The following PLBD1 variants were observed in gnomAD, a reference collection of about 807,000 sequenced individuals.
PLBD1 encodes phospholipase B domain containing 1.
A neutral mutation model predicts 63.0 loss-of-function variants in PLBD1; 60 were observed. That is an observed-to-expected ratio of 0.95 (90% CI 0.77 to 1.18). The LOEUF (loss-of-function observed/expected upper bound fraction) is 1.18. Among genes scored for constraint, PLBD1 ranks in the 50% most tolerant of loss-of-function variants. The pLI is 0.00. For synonymous variants in PLBD1, 262 were observed against 248.0 expected (o/e 1.06, Z -0.53); for missense variants, 598 against 677.9 (o/e 0.88, Z 1.31).
intron 6 of PLBD1, among the ~76,000 whole-genome samples, chr12:14,521,703 T>C (rs78544342): frequency 0.014 from 2,199 of 152,076 alleles, 29 homozygotes; most frequent in Non-Finnish European, 0.019. Flanking sequence ...ATCCATTCTA[T>C]CAGATGCCCA....
At chr12:14,531,006 G>A (rs987710478) in intron 6 of PLBD1, 10 of 152,148 alleles carry the variant, frequency 6.6e-5, no homozygotes, top group Non-Finnish European at 1.5e-4. Context: ...TGTTGTTGTT[G>A]TTGTTTTGTT....
At chr12:14,545,814 AT>A (rs987278584) in intron 2 of PLBD1, among the ~76,000 whole-genome samples, 1 of 151,228 alleles carries the variant, frequency 6.6e-6, no homozygotes, top group South Asian at 2.1e-4. Context: ...ACCTCATGAG[AT>A]TTTTTTTTCA....
At chr12:14,505,836 A>C (rs2136901937) in intron 10 of PLBD1, among the ~76,000 whole-genome samples, 1 of 152,364 alleles carries the variant, frequency 6.6e-6, no homozygotes, top group South Asian at 2.1e-4. Context: ...TACATTTACA[A>C]ATAACTCACT....
chr12:14,554,504 C>A lies in PLBD1; in HGVS notation c.116-1092G>T, dbSNP rs550398678. Among the ~76,000 whole-genome samples, 18 of 152,292 alleles carry A rather than the reference C, an allele frequency of 1.2e-4. 1 individual carries two copies. The South Asian group carries it at 2.7e-3, about 23-fold the overall frequency. ...ATCATTACAAAGTTTAAAGTGTCCA[C>A]ACTGAATCAGGGACTGTTTTGAGTG... On this transcript the variant is annotated intron_variant, in intron 1 of 10. Coordinates refer to ENST00000240617, the MANE Select transcript of PLBD1 (RefSeq NM_024829.6).
intron 1 of PLBD1, among the ~76,000 whole-genome samples, chr12:14,566,102 A>C (rs1274835845): frequency 6.6e-6 from 1 of 152,170 alleles, no homozygotes; most frequent in Non-Finnish European, 1.5e-5. Flanking sequence ...AAAAGGAATA[A>C]AGATTTTAGC....
chr12:14,519,412 A>G (rs994406460), intron 6 of PLBD1, among the ~76,000 whole-genome samples: 1 of 152,086 alleles, frequency 6.6e-6, no homozygotes, highest in Non-Finnish European at 1.5e-5. Flanking sequence ...TGAGGTAAGG[A>G]GATCGAGACC....
intron 2 of PLBD1, among the ~76,000 whole-genome samples, chr12:14,543,568 C>A (rs940975273): frequency 4.6e-5 from 7 of 151,732 alleles, no homozygotes; most frequent in Non-Finnish European, 7.4e-5. Context: ...AATACACACA[C>A]AAAAAAATTA....
intron 10 of PLBD1, 81 bp from the exon 11 acceptor site, chr12:14,504,035 A>G: frequency 7.6e-7 from 1 of 1,319,656 alleles, no homozygotes; most frequent in Non-Finnish European, 1.1e-6. Context: ...CCACTCTCCC[A>G]CTACCAAAGT....
intron 4 of PLBD1, among the ~76,000 whole-genome samples, chr12:14,540,403 G>A (rs1226266273): frequency 6.6e-6 from 1 of 151,784 alleles, no homozygotes; most frequent in Non-Finnish European, 1.5e-5. Flanking sequence ...TGTGGAGTGT[G>A]GGAAACATAG....
chr12:14,550,758 A>G (rs1331753821), intron 2 of PLBD1, among the ~76,000 whole-genome samples: 2 of 152,052 alleles, frequency 1.3e-5, no homozygotes, highest in Non-Finnish European at 2.9e-5. Flanking sequence ...CATGCCTGTA[A>G]TCCCATCTAC....
intron 6 of PLBD1, among the ~76,000 whole-genome samples, chr12:14,527,746 T>A (rs1245951073): frequency 1.3e-5 from 2 of 151,934 alleles, no homozygotes; most frequent in African/African-American, 4.8e-5. Flanking sequence ...AATGTAGAGA[T>A]GATCTCTGAC....
intron 6 of PLBD1, among the ~76,000 whole-genome samples, chr12:14,524,397 A>C (rs2136913082): frequency 6.6e-6 from 1 of 152,322 alleles, no homozygotes; most frequent in East Asian, 1.9e-4. Flanking sequence ...ACATGCATCA[A>C]AACATCACAC....
intron 6 of PLBD1, among the ~76,000 whole-genome samples, chr12:14,517,070 A>G (rs1275149006): frequency 1.3e-5 from 2 of 152,124 alleles, no homozygotes; most frequent in Admixed American, 6.5e-5. Context: ...AATAGGTTCC[A>G]TCTTTTATTC....
At chr12:14,550,711 TC>T (rs749096512) in intron 2 of PLBD1, among the ~76,000 whole-genome samples, 1 of 151,846 alleles carries the variant, frequency 6.6e-6, no homozygotes, top group East Asian at 2.0e-4. Flanking sequence ...AAACCCCGTC[TC>T]TACTAAAAAT....
At position 14,561,800 on chromosome 12, in the gene PLBD1, C is replaced by T. The variant is rs187354313; in HGVS notation, c.115+5782G>A. Among the ~76,000 whole-genome samples the T allele has an allele frequency of 1.7e-3, 260 of 152,250 alleles. 1 individual carries two copies. The highest frequency in any genetic ancestry group is 3.4e-3 in the Middle Eastern group (1 of 294). ...CGAACTCTCAACCTAAGGTGATCTG[C>T]CTGCCTTGACCTCCCAAAGTCTTGG... On this transcript the variant is annotated intron_variant, in intron 1 of 10. Coordinates refer to ENST00000240617, the MANE Select transcript of PLBD1 (RefSeq NM_024829.6).
rs1945674865 is a variant in PLBD1, at chr12:14,553,336, C to A, written c.192G>T (p.Gly64=). The change falls in exon 2 of 11, where the codon GGG becomes GGT. Residue 64 remains glycine (G), a synonymous_variant. Coordinates refer to ENST00000240617, the MANE Select transcript of PLBD1 (RefSeq NM_024829.6). ...AGTTATTGTAAAAGCCATAGGCGTC[C>A]CCATTCTTGTCCATTACATTTTTGA... ...VQVKNVMDKN[G]DAYGFYNNSV... 3 of 1,614,068 alleles carry A rather than the reference C, an allele frequency of 1.9e-6. No individual in the cohort carries two copies. Among genetic ancestry groups the A allele is most frequent in the Non-Finnish European group, 2.5e-6 (3 of 1,180,052 alleles).
At position 14,536,627 on chromosome 12, in the gene PLBD1, G is replaced by A. The variant is rs200233914; in HGVS notation, c.642C>T (p.Asn214=). 1.4e-5 allele frequency: 22 copies of A among 1,614,038 alleles called. No individual in the cohort carries two copies. The highest frequency in any genetic ancestry group is 1.1e-4 in the South Asian group (10 of 91,086). Residue 214 remains asparagine (N), a synonymous_variant, in exon 5 of 11, where the codon AAC becomes AAT. Transcript: ENST00000240617. ...ATCTCTTAAAAACCTTTAGGCTGCC[G>A]TTTTTTGTGGGAGAGAGTGAGGGAA... The part of the protein sequence containing the change: ...DLIPSLSPTK[N]GSLKVFKRWD...
intron 6 of PLBD1, among the ~76,000 whole-genome samples, chr12:14,519,940 A>C (rs1189490199): frequency 6.6e-6 from 1 of 152,220 alleles, no homozygotes; most frequent in Non-Finnish European, 1.5e-5. Flanking sequence ...TGAGAATTTA[A>C]GAGGAAAATT....
At chr12:14,528,654 T>C (rs762102854) in intron 6 of PLBD1, among the ~76,000 whole-genome samples, 5 of 152,054 alleles carry the variant, frequency 3.3e-5, no homozygotes, top group Non-Finnish European at 7.4e-5. Context: ...AGTTATCTAG[T>C]CTTCTACATT....
Sources: allele counts gnomAD v4.1 joint callset (sites outside exome capture counted in the v4.1 genomes callset), GRCh38; gene constraint gnomAD v4.1.1; transcripts MANE v1.5; gene names NCBI Gene and HGNC (gene_info 2026-07-23, HGNC 2026-07-21).